The following STAC variants were observed in gnomAD, a reference collection of about 807,000 sequenced individuals.
STAC encodes the protein SH3 and cysteine-rich domain-containing protein.
A neutral mutation model predicts 48.8 loss-of-function variants in STAC; 43 were observed. That is an observed-to-expected ratio of 0.88 (90% confidence interval 0.69 to 1.14). The LOEUF (loss-of-function observed/expected upper bound fraction) is 1.14, where lower values mean the gene tolerates loss of function less well. STAC is among the 50% of genes most tolerant of loss of function. STAC has a pLI of 0.00. For synonymous variants in STAC, 193 were observed against 179.5 expected, an observed-to-expected ratio of 1.07 and a Z score of -0.60; for missense variants, 497 against 504.0, an observed-to-expected ratio of 0.99 and a Z score of 0.13.
chr3:36,420,321 A>G (rs1382001809), intron 1 of STAC, among the ~76,000 whole-genome samples: 2 of 152,202 alleles, frequency 1.3e-5, no homozygotes, highest in Admixed American at 6.5e-5. Flanking sequence ...TTCTCCATAT[A>G]AAATGAGCAA....
intron 1 of STAC, among the ~76,000 whole-genome samples, chr3:36,418,373 T>C (rs540822268): frequency 1.3e-5 from 2 of 152,346 alleles, no homozygotes; most frequent in African/African-American, 4.8e-5. Flanking sequence ...TGTGTGTGCA[T>C]GCATACATGC....
chr3:36,499,223 A>C (rs1306173419), intron 6 of STAC, among the ~76,000 whole-genome samples: 6 of 152,220 alleles, frequency 3.9e-5, no homozygotes, highest in Non-Finnish European at 7.4e-5. Context: ...AATAAAGAGC[A>C]AAGAAAGTGG....
intron 6 of STAC, among the ~76,000 whole-genome samples, chr3:36,498,492 G>A (rs188632478): frequency 3.3e-5 from 5 of 152,304 alleles, no homozygotes; most frequent in East Asian, 3.9e-4. Flanking sequence ...AGTGGCTCAC[G>A]CCTGTAATCT....
At chr3:36,436,433 C>A (rs1394580409) in intron 1 of STAC, among the ~76,000 whole-genome samples, 2 of 152,178 alleles carry the variant, frequency 1.3e-5, no homozygotes, top group Non-Finnish European at 2.9e-5. Flanking sequence ...CCTACAAGGT[C>A]CAGCAAGAAG....
intron 1 of STAC, among the ~76,000 whole-genome samples, chr3:36,437,550 T>G (rs894933377): frequency 1.0e-4 from 15 of 144,828 alleles, no homozygotes; most frequent in African/African-American, 3.6e-4. Flanking sequence ...CACCACATGT[T>G]CTCACTCATA....
At chr3:36,501,598 T>C (rs1698285335) in intron 6 of STAC, among the ~76,000 whole-genome samples, 2 of 152,060 alleles carry the variant, frequency 1.3e-5, no homozygotes, top group Non-Finnish European at 1.5e-5. Flanking sequence ...CAAGAATAAA[T>C]AGAAATAGGA....
chr3:36,441,441 T>C (rs1200872605), intron 1 of STAC, among the ~76,000 whole-genome samples: 1 of 152,212 alleles, frequency 6.6e-6, no homozygotes, highest in Non-Finnish European at 1.5e-5. Flanking sequence ...TTTTTATGGC[T>C]GAATAGTATT....
intron 2 of STAC, among the ~76,000 whole-genome samples, chr3:36,455,258 T>G (rs1696819301): frequency 6.6e-6 from 1 of 152,178 alleles, no homozygotes; most frequent in Non-Finnish European, 1.5e-5. Context: ...GAAATAGAAA[T>G]ATTGCCCAGG....
chr3:36,400,668 C>T (rs928715493), intron 1 of STAC, among the ~76,000 whole-genome samples: 10 of 152,134 alleles, frequency 6.6e-5, no homozygotes, highest in African/African-American at 2.4e-4. Flanking sequence ...CTGGTAGGTA[C>T]TGGGAGAGAG....
intron 1 of STAC, among the ~76,000 whole-genome samples, chr3:36,390,451 C>CTTTGTTTT (rs1699727096): frequency 1.2e-5 from 1 of 80,824 alleles, no homozygotes; most frequent in Non-Finnish European, 2.4e-5. Context: ...TTTTTCTTTT[C>CTTTGTTTT]TTTTTTTTTT....
intron 2 of STAC, among the ~76,000 whole-genome samples, chr3:36,462,081 G>T (rs1697034637): frequency 6.6e-6 from 1 of 152,158 alleles, no homozygotes; most frequent in South Asian, 2.1e-4. Context: ...GAAGAATAGA[G>T]ACAGGGTCAG....
intron 8 of STAC, among the ~76,000 whole-genome samples, chr3:36,515,158 T>C (rs924408787): frequency 2.0e-5 from 3 of 152,044 alleles, no homozygotes; most frequent in Non-Finnish European, 4.4e-5. Flanking sequence ...GAGCCTAGGA[T>C]AAATGTTATT....
At chr3:36,517,418 C>T (rs1006631864) in intron 8 of STAC, among the ~76,000 whole-genome samples, 1 of 152,152 alleles carries the variant, frequency 6.6e-6, no homozygotes, top group Admixed American at 6.5e-5. Context: ...GGGAGGCCAA[C>T]GCAGGTGTAT....
chr3:36,415,932 T>C (rs895965448), intron 1 of STAC, among the ~76,000 whole-genome samples: 121 of 152,342 alleles, frequency 7.9e-4, no homozygotes, highest in African/African-American at 2.8e-3. Context: ...ATATGGTATT[T>C]TATAAATATC....
chr3:36,528,149 T>C (rs1332246946), intron 8 of STAC, among the ~76,000 whole-genome samples: 1 of 152,206 alleles, frequency 6.6e-6, no homozygotes, highest in Non-Finnish European at 1.5e-5. Flanking sequence ...TGGAGCTTCA[T>C]GATCATTTAT....
At chr3:36,445,755 G>A (rs955647979) in intron 2 of STAC, among the ~76,000 whole-genome samples, 2 of 152,084 alleles carry the variant, frequency 1.3e-5, no homozygotes, top group African/African-American at 4.8e-5. Context: ...CCCTTAGAAT[G>A]ACATCCCAGA....
At chr3:36,437,929 G>A (rs1696195774) in intron 1 of STAC, among the ~76,000 whole-genome samples, 1 of 100,386 alleles carries the variant, frequency 1.0e-5, no homozygotes, top group Non-Finnish European at 2.2e-5. Flanking sequence ...GATATTCATT[G>A]AGTTATTATT....
At chr3:36,452,690 C>T (rs1696716367) in intron 2 of STAC, among the ~76,000 whole-genome samples, 1 of 152,226 alleles carries the variant, frequency 6.6e-6, no homozygotes. Context: ...ATTTATCCAT[C>T]ACACATGGAC....
At chr3:36,541,336 A>T (rs758449639) in intron 10 of STAC, among the ~76,000 whole-genome samples, 3 of 152,216 alleles carry the variant, frequency 2.0e-5, no homozygotes, top group Non-Finnish European at 1.5e-5. Context: ...TAGGATAGGG[A>T]TGGGCAACAG....
Sources: allele counts gnomAD v4.1 joint callset (sites outside exome capture counted in the v4.1 genomes callset), GRCh38; gene constraint gnomAD v4.1.1; transcripts MANE v1.5; gene names NCBI Gene and HGNC (gene_info 2026-07-23, HGNC 2026-07-21).